The following RBMS3 variants were observed in gnomAD, a reference collection of about 807,000 sequenced individuals.
The protein encoded by RBMS3 is RNA binding motif single stranded interacting protein 3.
In RBMS3, 27 loss-of-function variants were observed where a neutral mutation model predicts 66.8. The ratio of observed to expected loss-of-function variants is 0.40; its 90% CI spans 0.30 to 0.56. The LOEUF is 0.56. Ranked by LOEUF, RBMS3 falls within the 20% of genes least tolerant of loss-of-function variation. The pLI, the probability that RBMS3 is intolerant of heterozygous loss-of-function variation, is 0.40. For synonymous variants in RBMS3, 188 were observed against 183.0 expected (o/e 1.03, Z -0.22); for missense variants, 513 against 549.5 (o/e 0.93, Z 0.66).
At chr3:29,654,805 CCAGGCTGGTCT>C (rs1398942319) in intron 4 of RBMS3, among the ~76,000 whole-genome samples, 1 of 149,536 alleles carries the variant, frequency 6.7e-6, no homozygotes, top group East Asian at 2.0e-4. Flanking sequence ...ACCATGTTGA[CCAGGCTGGTCT>C]CAAACTCCTG....
At chr3:29,661,831 C>A (rs1362083843) in intron 4 of RBMS3, among the ~76,000 whole-genome samples, 2 of 152,156 alleles carry the variant, frequency 1.3e-5, no homozygotes, top group Non-Finnish European at 2.9e-5. Context: ...ACCTATCCTG[C>A]TGCTGTATTT....
intron 6 of RBMS3, among the ~76,000 whole-genome samples, chr3:29,828,669 G>T (rs1263266445): frequency 2.6e-5 from 4 of 151,970 alleles, no homozygotes; most frequent in Non-Finnish European, 4.4e-5. Flanking sequence ...CTCTAGATGG[G>T]TATTAAACAA....
rs537474200 is a variant in RBMS3, at chr3:29,362,447, A to T, written c.76-72296A>T. On this transcript the variant is annotated intron_variant, in intron 1 of 14. Coordinates refer to ENST00000383767, the MANE Select transcript of RBMS3 (RefSeq NM_001003793.3). ...GGAGTACCCGGCCTTGTGAGGTGTC[A>T]GTCTGCCCCTACTGGGGGCTGCCTC... Among the ~76,000 whole-genome samples the T allele has an allele frequency of 9.5e-4, 145 of 152,324 alleles. 2 individuals carry two copies. Among genetic ancestry groups the T allele is most frequent in the Admixed American group, 1.9e-3 (29 of 15,300 alleles).
chr3:29,469,067 AAGGT>A (rs546926101), intron 2 of RBMS3, among the ~76,000 whole-genome samples: 181 of 152,214 alleles, frequency 1.2e-3, no homozygotes, highest in African/African-American at 4.2e-3. Flanking sequence ...ATGACTCAAT[AAGGT>A]TACAGTTCAG....
At chr3:29,896,526 T>C (rs1407249026) in intron 8 of RBMS3, among the ~76,000 whole-genome samples, 5 of 151,626 alleles carry the variant, frequency 3.3e-5, no homozygotes, top group Non-Finnish European at 7.4e-5. Context: ...GGCTCGCCAC[T>C]CTAACCTTTT....
rs187534921 is a variant in RBMS3, at chr3:29,550,098, A to G, written c.308-37016A>G. Among the ~76,000 whole-genome samples the G allele has an allele frequency of 1.6e-3, 237 of 152,326 alleles. 1 individual carries two copies. Among genetic ancestry groups the G allele is most frequent in the African/African-American group, 5.5e-3 (230 of 41,574 alleles). The stretch of plus-strand genomic sequence containing the variant: ...CTAACTTGCCAGTTGAAGCTCTCAA[A>G]TATCTGATCTCATTCTTCCTTTCCA... On this transcript the variant is annotated intron_variant, in intron 3 of 14. Coordinates refer to ENST00000383767, the MANE Select transcript of RBMS3 (RefSeq NM_001003793.3).
chr3:29,430,183 C>G (rs532183422), intron 1 of RBMS3, among the ~76,000 whole-genome samples: 1 of 151,206 alleles, frequency 6.6e-6, no homozygotes, highest in Non-Finnish European at 1.5e-5. Context: ...TAATGCTGAC[C>G]GCTACCTGAA....
chr3:29,417,813 A>T (rs2040538973), intron 1 of RBMS3, among the ~76,000 whole-genome samples: 1 of 152,180 alleles, frequency 6.6e-6, no homozygotes, highest in Admixed American at 6.5e-5. Context: ...ATCCGGTGAA[A>T]TAAAGTATAT....
intron 3 of RBMS3, among the ~76,000 whole-genome samples, chr3:29,533,573 C>T (rs1388503991): frequency 6.6e-6 from 1 of 152,080 alleles, no homozygotes; most frequent in Non-Finnish European, 1.5e-5. Context: ...GTTAGGAGTT[C>T]AAGACCAGCC....
At chr3:29,974,927 C>T (rs1277410284) in intron 12 of RBMS3, among the ~76,000 whole-genome samples, 8 of 134,196 alleles carry the variant, frequency 6.0e-5, no homozygotes, top group South Asian at 2.2e-4. Context: ...ATATAAAATA[C>T]GTTTCTATAT....
chr3:29,420,510 C>G (rs7628708), intron 1 of RBMS3, among the ~76,000 whole-genome samples: 7,744 of 152,120 alleles, frequency 0.051, 321 homozygotes, highest in East Asian at 0.19. Flanking sequence ...AATGACGTGA[C>G]TCAGTTGTTA....
intron 1 of RBMS3, among the ~76,000 whole-genome samples, chr3:29,338,693 CTCCTCCTCCT>C (rs2036101359): frequency 1.0e-5 from 1 of 95,492 alleles, no homozygotes; most frequent in African/African-American, 3.8e-5. Context: ...CTCCTCTCCT[CTCCTCCTCCT>C]CTCCTCTCCT....
At chr3:29,640,306 G>A (rs534351753) in intron 4 of RBMS3, among the ~76,000 whole-genome samples, 10 of 150,300 alleles carry the variant, frequency 6.7e-5, no homozygotes, top group Admixed American at 2.0e-4. Context: ...ACGAAAGACG[G>A]AAAGAAAACA....
chr3:29,981,677 C>T (rs1161957376), intron 12 of RBMS3, among the ~76,000 whole-genome samples: 6 of 152,002 alleles, frequency 3.9e-5, no homozygotes, highest in Admixed American at 6.6e-5. Context: ...CTGCATCTAT[C>T]GAGATAATCA....
At chr3:29,863,905 A>G (rs1432772092) in intron 6 of RBMS3, among the ~76,000 whole-genome samples, 1 of 152,172 alleles carries the variant, frequency 6.6e-6, no homozygotes, top group Non-Finnish European at 1.5e-5. Flanking sequence ...TATTAGTGTA[A>G]ATAACTCATT....
intron 4 of RBMS3, among the ~76,000 whole-genome samples, chr3:29,634,254 T>A (rs1012984703): frequency 1.3e-5 from 2 of 151,908 alleles, no homozygotes; most frequent in African/African-American, 4.8e-5. Context: ...ATTGCTTTCA[T>A]ATGCAGAAAC....
intron 2 of RBMS3, among the ~76,000 whole-genome samples, chr3:29,476,942 A>G (rs933678573): frequency 4.6e-4 from 70 of 152,306 alleles, no homozygotes; most frequent in Non-Finnish European, 7.4e-5. Context: ...TCATTCTTTT[A>G]CAGACAAACC....
At chr3:29,602,987 CCTT>C (rs1178654798) in intron 4 of RBMS3, among the ~76,000 whole-genome samples, 1 of 151,734 alleles carries the variant, frequency 6.6e-6, no homozygotes, top group African/African-American at 2.4e-5. Flanking sequence ...TCTCATAGAA[CCTT>C]CTTCATTATC....
chr3:29,808,784 A>C (rs2057636482), intron 6 of RBMS3, among the ~76,000 whole-genome samples: 1 of 151,928 alleles, frequency 6.6e-6, no homozygotes, highest in Non-Finnish European at 1.5e-5. Context: ...AAAGAGACAA[A>C]AGAATAGGAA....
Sources: allele counts gnomAD v4.1 joint callset (sites outside exome capture counted in the v4.1 genomes callset), GRCh38; gene constraint gnomAD v4.1.1; transcripts MANE v1.5; gene names NCBI Gene and HGNC (gene_info 2026-07-23, HGNC 2026-07-21).